The following MICAL2 variants were observed in gnomAD, a reference collection of about 807,000 sequenced individuals.
MICAL2 encodes the protein [F-actin]-monooxygenase MICAL2.
Under a neutral mutation model 127.3 loss-of-function variants are expected in MICAL2, and 77 were observed. The observed-to-expected ratio is 0.60, with a 90% CI of 0.50 to 0.73. The LOEUF is 0.73. Among genes scored for constraint, MICAL2 ranks in the 30% least tolerant of loss-of-function variants. MICAL2 has a pLI of 0.00. For synonymous variants in MICAL2, 570 were observed against 551.1 expected (o/e 1.03, Z -0.48); for missense variants, 1,351 against 1,434.4 (o/e 0.94, Z 0.94).
chr11:12,221,502 G>T (rs1232725747), intron 9 of MICAL2, 142 bp from the exon 10 acceptor site: 2 of 558,152 alleles, frequency 3.6e-6, no homozygotes, highest in Non-Finnish European at 6.5e-6. Flanking sequence ...AATCCTCATA[G>T]GTAGCAGGGT....
At position 12,236,038 on chromosome 11, in the gene MICAL2, C is replaced by T. The variant is rs1036202884; in HGVS notation, c.1996-139C>T. 68 of 714,262 alleles carry T rather than the reference C, an allele frequency of 9.5e-5. 1 individual carries two copies. In the Middle Eastern group the frequency reaches 9.8e-4, roughly 10 times the overall value. The allele number at this position is 714,262 out of a possible 1,614,324, so 44.2% of individuals were successfully genotyped here. On this transcript the variant is annotated intron_variant, in intron 15 of 27. Coordinates refer to ENST00000683283, the MANE Select transcript of MICAL2 (RefSeq NM_001282663.2). ...CGGAGTCATTTACTACCACTCCTGC[C>T]TGTAGGCTGACAGCTGTTTGTGGGC...
intron 2 of MICAL2, among the ~76,000 whole-genome samples, chr11:12,149,033 C>T (rs1590077304): frequency 6.6e-6 from 1 of 152,262 alleles, no homozygotes; most frequent in African/African-American, 2.4e-5. Flanking sequence ...GACCAGTCTG[C>T]CTGACTCCAG....
intron 1 of MICAL2, among the ~76,000 whole-genome samples, chr11:12,124,177 C>T (rs1850725713): frequency 6.6e-6 from 1 of 152,144 alleles, no homozygotes; most frequent in Non-Finnish European, 1.5e-5. Flanking sequence ...AAATTCAGTG[C>T]AGCCCTGTTC....
intron 7 of MICAL2, among the ~76,000 whole-genome samples, chr11:12,215,110 C>T (rs1855975907): frequency 1.3e-5 from 2 of 152,184 alleles, no homozygotes; most frequent in African/African-American, 4.8e-5. Flanking sequence ...CCAACCCTCC[C>T]TTCCTCTAAA....
chr11:12,260,525 C>T (rs1186476851), intron 26 of MICAL2: 5 of 1,026,034 alleles, frequency 4.9e-6, no homozygotes, highest in Admixed American at 1.1e-4. Flanking sequence ...TTATAAACCC[C>T]TTGAACACTG....
chr11:12,292,005 A>T, downstream of MICAL2: 2 of 1,066,126 alleles, frequency 1.9e-6, no homozygotes, highest in Non-Finnish European at 2.7e-6. Flanking sequence ...CGCCTTGGGC[A>T]CCAGGAACCT....
chr11:12,249,184 G>A lies in MICAL2; in HGVS notation c.2785G>A (p.Glu929Lys), dbSNP rs1253500285. The stretch of plus-strand genomic sequence containing the variant: ...CATGTTGATCCCTCTCTTTCTAAAG[G>A]AAAAGAAGTCACCTTCAGGGTTCCA... ...TVDSASPARK[E>K]KKSPSGFHFH... Residue 929 changes from glutamate (E) to lysine (K), a missense_variant and splice_region_variant, in exon 22 of 28, where the codon GAA (glutamate) becomes AAA (lysine). Around this residue, in one of 2 missense-constraint regions of MICAL2, gnomAD observed 752 missense variants for 719.4 expected, o/e 1.05. Transcript: ENST00000683283. 6.8e-6 allele frequency: 11 copies of A among 1,613,694 alleles called. No homozygotes were observed. The highest frequency in any genetic ancestry group is 8.5e-6 in the Non-Finnish European group (10 of 1,179,824).
intron 3 of MICAL2, among the ~76,000 whole-genome samples, chr11:12,203,211 C>T (rs757228012): frequency 6.6e-6 from 1 of 152,112 alleles, no homozygotes; most frequent in Non-Finnish European, 1.5e-5. Context: ...TGAATGACGC[C>T]GCCATGAACA....
At chr11:12,341,504 G>A (rs1471687640) in intron 32 of MICAL2, among the ~76,000 whole-genome samples, 5 of 151,676 alleles carry the variant, frequency 3.3e-5, no homozygotes, top group Admixed American at 1.3e-4. Context: ...TAAATAGATC[G>A]TTTTTTTTCT....
intron 12 of MICAL2, 126 bp downstream of exon 12, chr11:12,223,627 C>T (rs1857078276): frequency 1.3e-6 from 1 of 751,362 alleles, no homozygotes; most frequent in African/African-American, 1.7e-5. Context: ...CCTGTGTGGT[C>T]ATGGGCAGGC....
At chr11:12,266,568 C>T (rs1453463199), downstream of MICAL2, among the ~76,000 whole-genome samples, 2 of 152,236 alleles carry the variant, frequency 1.3e-5, no homozygotes, top group African/African-American at 2.4e-5. Flanking sequence ...TGCAGAACTT[C>T]GTTAGCTCTT....
At chr11:12,184,535 C>T (rs11022232) in intron 3 of MICAL2, among the ~76,000 whole-genome samples, 1 of 151,958 alleles carries the variant, frequency 6.6e-6, no homozygotes, top group Non-Finnish European at 1.5e-5. Context: ...TCTGTCCCAG[C>T]GAATGTCTGA....
chr11:12,142,631 C>T lies in MICAL2; in HGVS notation c.-78+4171C>T, dbSNP rs79035661. 3.9e-3 allele frequency among the ~76,000 whole-genome samples: 593 copies of T among 152,358 alleles called. 3 individuals are homozygous for T. The highest frequency in any genetic ancestry group is 0.014 in the African/African-American group (567 of 41,594). Reference sequence around the variant, plus strand: ...TTCTGTAGAACTCCATTTGGCCCAACACTTCCTGCTGAGCTCAAGGAAATG... The same window carrying T: ...TTCTGTAGAACTCCATTTGGCCCAATACTTCCTGCTGAGCTCAAGGAAATG... On this transcript the variant is annotated intron_variant, in intron 2 of 27. Coordinates refer to ENST00000683283, the MANE Select transcript of MICAL2 (RefSeq NM_001282663.2).
chr11:12,159,628 CTG>C (rs1321922135), intron 2 of MICAL2, among the ~76,000 whole-genome samples: 1 of 152,230 alleles, frequency 6.6e-6, no homozygotes, highest in Non-Finnish European at 1.5e-5. Flanking sequence ...TCAGAAAAGA[CTG>C]TAGTGTAGCA....
At chr11:12,307,828 C>T (rs902602627) in intron 29 of MICAL2, among the ~76,000 whole-genome samples, 1 of 152,192 alleles carries the variant, frequency 6.6e-6, no homozygotes, top group African/African-American at 2.4e-5. Context: ...ATACAATCAT[C>T]TTTACACTAA....
At chr11:12,161,975 A>G in intron 2 of MICAL2, 104 bp from the exon 3 acceptor site, 2 of 681,818 alleles carry the variant, frequency 2.9e-6, no homozygotes, top group South Asian at 3.9e-5. Context: ...AGTGTGGTTA[A>G]TATTTGAATG....
intron 9 of MICAL2, among the ~76,000 whole-genome samples, chr11:12,221,225 A>G (rs946510670): frequency 6.6e-6 from 1 of 152,182 alleles, no homozygotes; most frequent in African/African-American, 2.4e-5. Flanking sequence ...CACCCAGAAC[A>G]GACGGCTGTT....
At chr11:12,165,177 TAAAA>T (rs5789718) in intron 3 of MICAL2, among the ~76,000 whole-genome samples, 1 of 147,514 alleles carries the variant, frequency 6.8e-6, no homozygotes, top group Admixed American at 6.8e-5. Context: ...AAGAAAGAAA[TAAAA>T]AAATCACACA....
At chr11:12,344,788 ACCGCGCCCGG>A (rs1938927062) in intron 32 of MICAL2, among the ~76,000 whole-genome samples, 2 of 144,238 alleles carry the variant, frequency 1.4e-5, no homozygotes, top group East Asian at 4.8e-4. Context: ...GGCGTGAGCC[ACCGCGCCCGG>A]CCTAGAAATA....
Sources: gnomAD v4.1 joint callset for allele counts (sites outside exome capture counted in the v4.1 genomes callset) on GRCh38, gnomAD v4.1.1 for gene constraint, gnomAD v4.1.1 regional missense constraint, MANE v1.5 for transcripts, NCBI Gene and HGNC (gene_info 2026-07-23, HGNC 2026-07-21) for gene names.